The following ST7 variants were observed in gnomAD, a reference collection of about 807,000 sequenced individuals.
ST7 encodes the protein suppressor of tumorigenicity 7 protein.
A neutral mutation model predicts 78.7 loss-of-function variants in ST7; 28 were observed. The observed-to-expected ratio is 0.36, with a 90% confidence interval of 0.26 to 0.49. ST7 has a LOEUF of 0.49. ST7 is among the 20% of genes least tolerant of loss of function. The pLI, the probability that ST7 is intolerant of heterozygous loss-of-function variation, is 0.99. For synonymous variants in ST7, 247 were observed against 249.6 expected (o/e 0.99, Z 0.10); for missense variants, 418 against 696.0 (o/e 0.60, Z 4.49).
chr7:116,983,234 C>T (rs1794038677), intron 1 of ST7, among the ~76,000 whole-genome samples: 2 of 152,206 alleles, frequency 1.3e-5, no homozygotes, highest in African/African-American at 4.8e-5. Context: ...TTATCTATCT[C>T]TCTTGAAATT....
chr7:117,140,861 A>G (rs1355825299), intron 9 of ST7, among the ~76,000 whole-genome samples: 2 of 152,162 alleles, frequency 1.3e-5, no homozygotes, highest in African/African-American at 4.8e-5. Context: ...GAAGAGAAAT[A>G]TTCAAAGTGC....
chr7:116,984,613 A>G (rs1794111348), intron 1 of ST7, among the ~76,000 whole-genome samples: 2 of 152,192 alleles, frequency 1.3e-5, no homozygotes, highest in South Asian at 4.1e-4. Context: ...CTTAGGATAC[A>G]TTATTTAATA....
intron 15 of ST7, chr7:117,222,731 T>C (rs529154829): frequency 2.6e-5 from 19 of 742,584 alleles, no homozygotes; most frequent in Admixed American, 4.0e-5. Flanking sequence ...TTGCCACAGA[T>C]GAGTTTCAAA....
rs150617334 is a variant in ST7, at chr7:116,956,399, G to A, written c.151+2708G>A. On this transcript the variant is annotated intron_variant, in intron 1 of 15. Transcript: ENST00000323984. The stretch of plus-strand genomic sequence containing the variant: ...CAGGGAGGTCTAAAAGAGTTCTAAC[G>A]GGACTAACTTTGCTGTTCTTCAGCC... 20 of 456,080 alleles carry A rather than the reference G, an allele frequency of 4.4e-5. 1 individual carries two copies. The East Asian group carries it at 1.3e-3, about 30-fold the overall frequency. The allele number at this position is 456,080 out of a possible 1,614,324, so 28.3% of individuals were successfully genotyped here.
At chr7:117,120,224 C>T (rs1803258094) in intron 3 of ST7, among the ~76,000 whole-genome samples, 1 of 152,134 alleles carries the variant, frequency 6.6e-6, no homozygotes, top group African/African-American at 2.4e-5. Context: ...GCCACTGTGC[C>T]GAGCTAATGT....
At position 116,995,470 on chromosome 7, in the gene ST7, A is replaced by G. The variant is rs192743788; in HGVS notation, c.151+41779A>G. Among the ~76,000 whole-genome samples, 189 of 152,328 alleles carry G rather than the reference A, an allele frequency of 1.2e-3. 3 individuals are homozygous for G. The Middle Eastern group carries it at 0.014, about 11-fold the overall frequency. ...AATAAACTCTTCATGGTGAGGTGATATGATGGGCTAGAGGTGACATACAAG... is the reference window on the plus strand; with the variant it reads ...AATAAACTCTTCATGGTGAGGTGATGTGATGGGCTAGAGGTGACATACAAG... On this transcript the variant is annotated intron_variant, in intron 1 of 15. Coordinates refer to ENST00000323984, the MANE Select transcript of ST7 (RefSeq NM_001369598.1).
chr7:117,116,924 T>C (rs1296082640), intron 2 of ST7, among the ~76,000 whole-genome samples: 2 of 152,218 alleles, frequency 1.3e-5, no homozygotes, highest in Non-Finnish European at 2.9e-5. Flanking sequence ...ACTTCTGAAT[T>C]GGTTTTTATA....
At chr7:117,097,907 T>TATATATATATATATATATATAC (rs1801227017) in intron 1 of ST7, among the ~76,000 whole-genome samples, 1 of 44,044 alleles carries the variant, frequency 2.3e-5, no homozygotes, top group Admixed American at 2.9e-4. Flanking sequence ...TATATATATA[T>TATATATATATATATATATATAC]ATTTTTTTTT....
intron 15 of ST7, among the ~76,000 whole-genome samples, chr7:117,227,876 G>A (rs73716422): frequency 0.035 from 5,349 of 152,186 alleles, 297 homozygotes; most frequent in African/African-American, 0.12. Flanking sequence ...CCTGGCACCC[G>A]CTTGAGGATG....
chr7:117,131,591 A>G (rs1454169677), intron 5 of ST7, among the ~76,000 whole-genome samples: 5 of 151,916 alleles, frequency 3.3e-5, no homozygotes, highest in Admixed American at 6.6e-5. Context: ...TTCTCCAAGA[A>G]CAAATGACAT....
chr7:116,965,232 C>T (rs1221881816), intron 1 of ST7, among the ~76,000 whole-genome samples: 2 of 151,636 alleles, frequency 1.3e-5, no homozygotes, highest in Non-Finnish European at 2.9e-5. Context: ...CCCAGCTACT[C>T]CAGAGGCTGA....
chr7:117,029,383 T>C (rs1298895953), intron 1 of ST7, among the ~76,000 whole-genome samples: 1 of 152,184 alleles, frequency 6.6e-6, no homozygotes, highest in South Asian at 2.1e-4. Context: ...TGGCCATTTG[T>C]GTATCTTCTT....
At chr7:117,104,439 C>T (rs1423919199) in intron 2 of ST7, among the ~76,000 whole-genome samples, 2 of 152,038 alleles carry the variant, frequency 1.3e-5, no homozygotes, top group East Asian at 3.9e-4. Context: ...GACTCCGTCT[C>T]AAAAAACAAA....
intron 1 of ST7, among the ~76,000 whole-genome samples, chr7:117,017,010 T>C (rs1795647932): frequency 6.6e-6 from 1 of 152,182 alleles, no homozygotes. Flanking sequence ...ATTATTAAAA[T>C]AATTTAAGGG....
chr7:117,162,193 G>T (rs1296409984), intron 9 of ST7, among the ~76,000 whole-genome samples: 2 of 152,004 alleles, frequency 1.3e-5, no homozygotes, highest in East Asian at 3.9e-4. Context: ...AAAAATTACT[G>T]ATTATCTTTT....
chr7:116,966,017 G>A (rs1793091796), intron 1 of ST7: 1 of 431,994 alleles, frequency 2.3e-6, no homozygotes, highest in Admixed American at 3.0e-5. Flanking sequence ...ATTGGTTCAT[G>A]CCCACCTGGC....
intron 12 of ST7, among the ~76,000 whole-genome samples, chr7:117,200,875 C>G (rs1446180232): frequency 1.4e-5 from 2 of 145,644 alleles, no homozygotes; most frequent in African/African-American, 2.6e-5. Context: ...TCTAGAAACT[C>G]TAATTTCATG....
intron 1 of ST7, among the ~76,000 whole-genome samples, chr7:117,077,844 C>CTTT (rs1186348708): frequency 5.0e-5 from 6 of 120,910 alleles, no homozygotes; most frequent in South Asian, 2.7e-4. Flanking sequence ...TGATTTCTTT[C>CTTT]TTTTTTTTTT....
intron 1 of ST7, among the ~76,000 whole-genome samples, chr7:117,058,760 C>T (rs1459138360): frequency 6.6e-6 from 1 of 152,116 alleles, no homozygotes; most frequent in Non-Finnish European, 1.5e-5. Flanking sequence ...TATTGTAGCA[C>T]TATTCACAAT....
Sources: allele counts gnomAD v4.1 joint callset (sites outside exome capture counted in the v4.1 genomes callset), GRCh38; gene constraint gnomAD v4.1.1; transcripts MANE v1.5; gene names NCBI Gene and HGNC (gene_info 2026-07-23, HGNC 2026-07-21).